The following FLVCR2 variants were observed in gnomAD, a reference collection of about 807,000 sequenced individuals.
FLVCR2 encodes the protein FLVCR choline and putative heme transporter 2.
A neutral mutation model predicts 48.9 loss-of-function variants in FLVCR2; 38 were observed. That is an observed-to-expected ratio of 0.78 (90% CI 0.60 to 1.02). FLVCR2 has a LOEUF of 1.02. Ranked by LOEUF, FLVCR2 falls within the 50% of genes least tolerant of loss-of-function variation. The probability of loss-of-function intolerance (pLI) is 0.00; values close to 1 mark genes in which losing one functional copy is unlikely to be tolerated. For missense variants in FLVCR2, 664 were observed against 663.3 expected (o/e 1.00, Z -0.01); for synonymous variants, 255 against 257.0 (o/e 0.99, Z 0.07).
intron 3 of FLVCR2, 143 bp from the exon 4 acceptor site, chr14:75,633,486 T>C: frequency 1.3e-6 from 1 of 755,168 alleles, no homozygotes; most frequent in Admixed American, 1.9e-5. Flanking sequence ...CAGACCTCCC[T>C]GGAGTTTTCT....
intron 1 of FLVCR2, among the ~76,000 whole-genome samples, chr14:75,597,279 C>CA (rs751154954): frequency 0.066 from 7,038 of 106,606 alleles, 209 homozygotes; most frequent in Non-Finnish European, 0.089. Flanking sequence ...AGACCCATCT[C>CA]AAAAAAAAAA....
chr14:75,642,141 C>T (rs191089303), intron 9 of FLVCR2, among the ~76,000 whole-genome samples: 81 of 152,334 alleles, frequency 5.3e-4, no homozygotes, highest in East Asian at 1.9e-4. Context: ...TTTCTGGAGC[C>T]CCCGGCCTCA....
chr14:75,585,157 C>T (rs577502630), intron 1 of FLVCR2, among the ~76,000 whole-genome samples: 3 of 152,072 alleles, frequency 2.0e-5, no homozygotes, highest in South Asian at 4.2e-4. Flanking sequence ...AGACTCAGAG[C>T]TTGGGGTGAG....
intron 1 of FLVCR2, among the ~76,000 whole-genome samples, chr14:75,594,667 T>C (rs2140011792): frequency 6.6e-6 from 1 of 151,614 alleles, no homozygotes; most frequent in African/African-American, 2.4e-5. Flanking sequence ...CTGACTTTTA[T>C]AACAAACCCA....
intron 1 of FLVCR2, among the ~76,000 whole-genome samples, chr14:75,611,703 A>G (rs1889455345): frequency 1.3e-5 from 2 of 152,266 alleles, no homozygotes; most frequent in East Asian, 3.9e-4. Context: ...GCACCACTGC[A>G]CTAGCCTGGG....
chr14:75,636,945 G>A (rs1381788058), intron 5 of FLVCR2, among the ~76,000 whole-genome samples: 1 of 152,254 alleles, frequency 6.6e-6, no homozygotes, highest in East Asian at 1.9e-4. Context: ...CGTCCATGAC[G>A]TTGCTTTCAG....
intron 1 of FLVCR2, among the ~76,000 whole-genome samples, chr14:75,583,438 A>G (rs1888661261): frequency 1.3e-5 from 2 of 152,132 alleles, no homozygotes; most frequent in Non-Finnish European, 2.9e-5. Context: ...TGAGTGGGGT[A>G]AGAGTGATTA....
rs760675970 is a variant in FLVCR2 at position 75,633,616 on chromosome 14, C to G, written c.953-13C>G. 13 of 1,611,692 alleles carry G rather than the reference C, an allele frequency of 8.1e-6. No homozygotes were observed. The highest frequency in any genetic ancestry group is 1.0e-5 in the Non-Finnish European group (12 of 1,177,758). Reference sequence around the variant, plus strand: ...GCTGACCCTAATGTTGTATTTCTCGCTCCCTTCTTCAGGTCTGAATGCTGG... The same window carrying G: ...GCTGACCCTAATGTTGTATTTCTCGGTCCCTTCTTCAGGTCTGAATGCTGG... On this transcript the variant is annotated splice_polypyrimidine_tract_variant and intron_variant, in intron 3 of 9. Coordinates refer to ENST00000238667, the MANE Select transcript of FLVCR2 (RefSeq NM_017791.3).
intron 1 of FLVCR2, among the ~76,000 whole-genome samples, chr14:75,612,981 A>G (rs1411231792): frequency 6.6e-6 from 1 of 152,224 alleles, no homozygotes; most frequent in Non-Finnish European, 1.5e-5. Context: ...AGAGAGCAGT[A>G]TTTATAGCAA....
intron 3 of FLVCR2, among the ~76,000 whole-genome samples, chr14:75,626,988 C>T (rs1430662275): frequency 6.6e-6 from 1 of 151,856 alleles, no homozygotes; most frequent in East Asian, 1.9e-4. Context: ...GGCTGTGGTC[C>T]TCAGTGCTGG....
intron 1 of FLVCR2, among the ~76,000 whole-genome samples, chr14:75,597,676 T>G (rs1889058453): frequency 6.6e-6 from 1 of 152,048 alleles, no homozygotes; most frequent in Non-Finnish European, 1.5e-5. Flanking sequence ...TTCAAGTCAT[T>G]CTCATGCCTC....
chr14:75,623,715 T>C (rs1674014168), intron 2 of FLVCR2, among the ~76,000 whole-genome samples: 1 of 152,154 alleles, frequency 6.6e-6, no homozygotes. Context: ...GAACACTGCC[T>C]GGGAGGTCCA....
intron 9 of FLVCR2, 62 bp downstream of exon 9, chr14:75,641,960 G>C: frequency 6.8e-7 from 1 of 1,461,638 alleles, no homozygotes; most frequent in Non-Finnish European, 9.6e-7. Flanking sequence ...TGAGGATGTG[G>C]CAACATAGAT....
chr14:75,639,598 G>A, intron 6 of FLVCR2, 136 bp downstream of exon 6: 4 of 726,564 alleles, frequency 5.5e-6, no homozygotes, highest in African/African-American at 1.7e-5. Context: ...GGTGCCCAGG[G>A]GTCTCGGTAA....
chr14:75,591,491 A>G (rs993168021), intron 1 of FLVCR2, among the ~76,000 whole-genome samples: 1 of 151,002 alleles, frequency 6.6e-6, no homozygotes, highest in Non-Finnish European at 1.5e-5. Flanking sequence ...ACATGGCTGT[A>G]CTCACAGGTT....
At chr14:75,592,878 T>G (rs557668542) in intron 1 of FLVCR2, among the ~76,000 whole-genome samples, 2 of 152,220 alleles carry the variant, frequency 1.3e-5, no homozygotes, top group Non-Finnish European at 2.9e-5. Flanking sequence ...TTATCATTTT[T>G]AAGTTTGGTA....
Position 75,579,075 on chromosome 14 carries a change from G to A in FLVCR2, c.103G>A (p.Val35Ile), listed in dbSNP as rs143304751. The A allele has an allele frequency of 2.0e-5, 32 of 1,610,674 alleles. No individual in the cohort carries two copies. The African/African-American group carries it at 3.9e-4, about 20-fold the overall frequency. Residue 35 changes from valine to isoleucine, a missense_variant, in exon 1 of 10, where the codon GTC becomes ATC. Coordinates refer to ENST00000238667, the MANE Select transcript of FLVCR2 (RefSeq NM_017791.3). ...CGTCTCGGTCCATCCCAGCGTCTCG[G>A]TCCATCCCAGCGTCTCCATCAACCC... ...PSVSVHPSVSVHPSVSINPSV... is the reference protein window; with the variant it reads ...PSVSVHPSVSIHPSVSINPSV...
intron 1 of FLVCR2, among the ~76,000 whole-genome samples, chr14:75,582,973 G>T (rs1888648527): frequency 6.6e-6 from 1 of 152,186 alleles, no homozygotes; most frequent in Non-Finnish European, 1.5e-5. Flanking sequence ...GCCAAGATAG[G>T]TAACAGATGA....
At chr14:75,583,710 A>G (rs1888668525) in intron 1 of FLVCR2, among the ~76,000 whole-genome samples, 1 of 152,198 alleles carries the variant, frequency 6.6e-6, no homozygotes, top group Non-Finnish European at 1.5e-5. Flanking sequence ...AATGTTGTCC[A>G]AGTTGGCACC....
Sources: gnomAD v4.1 joint callset for allele counts (sites outside exome capture counted in the v4.1 genomes callset) on GRCh38, gnomAD v4.1.1 for gene constraint, MANE v1.5 for transcripts, NCBI Gene and HGNC (gene_info 2026-07-23, HGNC 2026-07-21) for gene names.